TAFA5: variants seen among roughly 807,000 people sequenced by gnomAD.
TAFA5 encodes chemokine-like protein TAFA-5.
Under a neutral mutation model 15.3 loss-of-function variants are expected in TAFA5, and 6 were observed. The observed-to-expected ratio is 0.39, with a 90% CI of 0.21 to 0.77. The LOEUF is 0.77. Among genes scored for constraint, TAFA5 ranks in the 30% least tolerant of loss-of-function variants. The probability of loss-of-function intolerance (pLI) is 0.41; values close to 1 mark genes in which losing one functional copy is unlikely to be tolerated. For synonymous variants in TAFA5, 103 were observed against 80.7 expected, an observed-to-expected ratio of 1.28 and a Z score of -1.48; for missense variants, 161 against 193.1, an observed-to-expected ratio of 0.83 and a Z score of 0.98.
chr22:48,523,623 C>T (rs890579777), intron 1 of TAFA5, among the ~76,000 whole-genome samples: 10 of 152,164 alleles, frequency 6.6e-5, no homozygotes, highest in South Asian at 2.1e-4. Flanking sequence ...CCAGATCAGC[C>T]GCCTGGACTG....
chr22:48,691,946 C>A (rs559982331), intron 2 of TAFA5, among the ~76,000 whole-genome samples: 1 of 152,288 alleles, frequency 6.6e-6, no homozygotes, highest in South Asian at 2.1e-4. Flanking sequence ...ACTGAGCTGA[C>A]ACTAGGTGCC....
intron 1 of TAFA5, among the ~76,000 whole-genome samples, chr22:48,616,844 A>C (rs1287936968): frequency 6.6e-6 from 1 of 151,754 alleles, no homozygotes; most frequent in African/African-American, 2.4e-5. Context: ...GTCCGTGGGG[A>C]CCCCTAGGGG....
chr22:48,746,035 G>A (rs931953273), intron 3 of TAFA5, among the ~76,000 whole-genome samples: 1 of 152,262 alleles, frequency 6.6e-6, no homozygotes, highest in Middle Eastern at 3.4e-3. Flanking sequence ...AGGAGACAGC[G>A]ATGGGCTGGG....
intron 2 of TAFA5, among the ~76,000 whole-genome samples, chr22:48,653,882 G>C (rs12106598): frequency 0.2 from 23,265 of 116,404 alleles, 2,814 homozygotes; most frequent in East Asian, 0.45. Context: ...GATGGCAGCT[G>C]GGGTTGGTAG....
intron 3 of TAFA5, among the ~76,000 whole-genome samples, chr22:48,735,315 T>A (rs1419385176): frequency 3.9e-5 from 6 of 152,144 alleles, no homozygotes; most frequent in Non-Finnish European, 7.3e-5. Context: ...AGGAGACAGA[T>A]CACAGCGTGG....
chr22:48,624,292 T>C (rs1925951670), intron 1 of TAFA5, among the ~76,000 whole-genome samples: 1 of 152,206 alleles, frequency 6.6e-6, no homozygotes. Flanking sequence ...TGTCACATAC[T>C]TGGCCTTGAG....
chr22:48,580,241 G>A (rs114118156), intron 1 of TAFA5, among the ~76,000 whole-genome samples: 177 of 152,292 alleles, frequency 1.2e-3, no homozygotes, highest in African/African-American at 3.7e-3. Context: ...CATGTGGCCC[G>A]TAACAAGGGG....
intron 2 of TAFA5, 24 bp downstream of exon 2, chr22:48,646,770 C>A: frequency 6.5e-7 from 1 of 1,550,070 alleles, no homozygotes. Flanking sequence ...GCCCCAGGAC[C>A]CCTCCGGGTG....
In TAFA5 at chr22:48,629,874, G is replaced by T. The variant is rs372715880; in HGVS notation, c.113-16723G>T. On this transcript the variant is annotated intron_variant, in intron 1 of 3. Coordinates refer to ENST00000402357, the MANE Select transcript of TAFA5 (RefSeq NM_001082967.3). ...AGGGCAGATGCCACCCGGCAACGCC[G>T]AGTGTCCTCCCGGCAGAGGAGTGCG... 8.5e-5 allele frequency among the ~76,000 whole-genome samples: 13 copies of T among 152,194 alleles called. No homozygotes were observed. The East Asian group carries it at 9.7e-4, about 11-fold the overall frequency.
At chr22:48,667,211 C>G (rs1285363034) in intron 2 of TAFA5, among the ~76,000 whole-genome samples, 2 of 152,100 alleles carry the variant, frequency 1.3e-5, no homozygotes, top group Non-Finnish European at 2.9e-5. Context: ...GCAGGAGGAG[C>G]CTGGAGCCCG....
chr22:48,672,700 T>G (rs1052225708), intron 2 of TAFA5, among the ~76,000 whole-genome samples: 13 of 152,326 alleles, frequency 8.5e-5, no homozygotes, highest in African/African-American at 3.1e-4. Context: ...ACCTTTTGAT[T>G]CTGATGCATC....
intron 1 of TAFA5, among the ~76,000 whole-genome samples, chr22:48,594,330 C>T (rs1018556841): frequency 1.3e-5 from 2 of 152,144 alleles, no homozygotes; most frequent in Non-Finnish European, 2.9e-5. Context: ...ACCAGTGGGA[C>T]GTTCTGGGGT....
chr22:48,621,709 G>C (rs1012921090), intron 1 of TAFA5, among the ~76,000 whole-genome samples: 4 of 152,198 alleles, frequency 2.6e-5, no homozygotes, highest in Admixed American at 2.6e-4. Context: ...TTTATGAAGG[G>C]AGCAAGGCAG....
rs549741308 is a variant in TAFA5 at position 48,598,267 on chromosome 22, G to A, written c.113-48330G>A. ...GCCATCTGCTTTATTCAAAATCACC[G>A]ATTCAGGCGTTACTCTCATCCAAAA... On this transcript the variant is annotated intron_variant, in intron 1 of 3. Coordinates refer to ENST00000402357, the MANE Select transcript of TAFA5 (RefSeq NM_001082967.3). This position sits in a 1 kb window ranked among gnomAD's most constrained non-coding sequence, Gnocchi z 4.0. Among the ~76,000 whole-genome samples, 7 of 152,240 alleles carry A rather than the reference G, an allele frequency of 4.6e-5. No individual in the cohort carries two copies. Among genetic ancestry groups the A allele is most frequent in the South Asian group, 2.1e-4 (1 of 4,818 alleles).
intron 1 of TAFA5, among the ~76,000 whole-genome samples, chr22:48,597,836 A>T (rs1422227525): frequency 6.6e-6 from 1 of 152,198 alleles, no homozygotes; most frequent in African/African-American, 2.4e-5. Flanking sequence ...GTGAGGCTGG[A>T]AAGTGCCCCA....
chr22:48,510,755 A>G (rs1198833236), intron 1 of TAFA5, among the ~76,000 whole-genome samples: 6 of 152,216 alleles, frequency 3.9e-5, no homozygotes. Flanking sequence ...TTCAGGAACA[A>G]CATCAAGGAA....
chr22:48,618,449 G>T lies in TAFA5; in HGVS notation c.113-28148G>T, dbSNP rs545860152. Among the ~76,000 whole-genome samples the T allele has an allele frequency of 1.1e-4, 16 of 152,380 alleles. No homozygotes were observed. The South Asian group carries it at 3.3e-3, about 32-fold the overall frequency. ...AAATACTTTATTGGAGCAAGCTCAG[G>T]ATTTACTTGCTCATAAAGTTGCCGG... On this transcript the variant is annotated intron_variant, in intron 1 of 3. Coordinates refer to ENST00000402357, the MANE Select transcript of TAFA5 (RefSeq NM_001082967.3).
intron 1 of TAFA5, among the ~76,000 whole-genome samples, chr22:48,519,944 ATTGT>A (rs1233665018): frequency 6.6e-6 from 1 of 152,216 alleles, no homozygotes. Context: ...TTACTTGGAA[ATTGT>A]TTGTTGCAGA....
In TAFA5 at chr22:48,693,909, G is replaced by T. The variant is rs140657170; in HGVS notation, c.263-13808G>T. 6.5e-3 allele frequency among the ~76,000 whole-genome samples: 989 copies of T among 152,290 alleles called. 5 individuals are homozygous for T. Among genetic ancestry groups the T allele is most frequent in the African/African-American group, 0.022 (931 of 41,558 alleles). On this transcript the variant is annotated intron_variant, in intron 2 of 3. Coordinates refer to ENST00000402357, the MANE Select transcript of TAFA5 (RefSeq NM_001082967.3). ...ATGGTGCCCCGGGTGTTTCCGCCGG[G>T]TGGGGAAACTGTGGGGTCCCCTGCT... is the stretch of plus-strand genomic sequence containing the variant.
Sources: allele counts gnomAD v4.1 joint callset (sites outside exome capture counted in the v4.1 genomes callset), GRCh38; gene constraint gnomAD v4.1.1; non-coding constraint Gnocchi (gnomAD v3.1); transcripts MANE v1.5; gene names NCBI Gene and HGNC (gene_info 2026-07-23, HGNC 2026-07-21).